The following NXPE1 variants were observed in gnomAD, a reference collection of about 807,000 sequenced individuals.
The protein encoded by NXPE1 is neurexophilin and PC-esterase domain family member 1, also known as NXPE family member 1.
In NXPE1, 31 loss-of-function variants were observed where a neutral mutation model predicts 33.3. The ratio of observed to expected loss-of-function variants is 0.93; its 90% confidence interval spans 0.70 to 1.26. NXPE1 has a LOEUF of 1.26. NXPE1 is among the 50% of genes most tolerant of loss of function. The pLI is 0.00. For missense variants in NXPE1, 661 were observed against 655.6 expected (o/e 1.01, Z -0.09); for synonymous variants, 229 against 231.4 (o/e 0.99, Z 0.09).
intron 5 of NXPE1, among the ~76,000 whole-genome samples, chr11:114,542,425 A>G (rs1194259635): frequency 6.6e-6 from 1 of 152,190 alleles, no homozygotes; most frequent in East Asian, 1.9e-4. Flanking sequence ...GAAAAGTTTG[A>G]TATGAGGATT....
At chr11:114,540,837 C>CTT (rs142403291) in intron 5 of NXPE1, among the ~76,000 whole-genome samples, 2 of 47,470 alleles carry the variant, frequency 4.2e-5, no homozygotes, top group Admixed American at 3.1e-4. Context: ...AGAAAGCCAT[C>CTT]TTTTTTTTTT....
At chr11:114,546,794 G>A (rs1472632012) in intron 5 of NXPE1, among the ~76,000 whole-genome samples, 1 of 152,096 alleles carries the variant, frequency 6.6e-6, no homozygotes, top group African/African-American at 2.4e-5. Flanking sequence ...ATCTTGTAGT[G>A]TCGGAAAGCA....
At chr11:114,545,175 C>T (rs575193223) in intron 5 of NXPE1, among the ~76,000 whole-genome samples, 92 of 152,288 alleles carry the variant, frequency 6.0e-4, no homozygotes, top group African/African-American at 2.2e-3. Context: ...TAAAGCTAAA[C>T]ATAGTCTTAC....
At chr11:114,545,846 G>A (rs556181242) in intron 5 of NXPE1, among the ~76,000 whole-genome samples, 1 of 151,932 alleles carries the variant, frequency 6.6e-6, no homozygotes, top group African/African-American at 2.4e-5. Flanking sequence ...ACACCACCAC[G>A]CCCAGCTAAT....
intron 5 of NXPE1, among the ~76,000 whole-genome samples, chr11:114,538,610 G>A (rs895323976): frequency 1.6e-4 from 24 of 152,186 alleles, no homozygotes; most frequent in African/African-American, 5.8e-4. Context: ...CCATTAAAAA[G>A]TGGGCGAAGG....
chr11:114,551,282 T>G lies in NXPE1; in HGVS notation c.-10-71A>C, dbSNP rs985634403. 2.3e-6 allele frequency: 3 copies of G among 1,321,522 alleles called. No individual in the cohort carries two copies. In the African/African-American group the frequency reaches 4.5e-5, roughly 20 times the overall value. The allele number at this position is 1,321,522 out of a possible 1,614,324, so 81.9% of individuals were successfully genotyped here. ...CTGTACTCACTCATTATTTTATTTA[T>G]AACTTGTAATTTGCCTCCAACATTT... On this transcript the variant is annotated intron_variant, in intron 4 of 8. Transcript: ENST00000534921.
chr11:114,555,486 A>G lies in NXPE1; in HGVS notation c.-210-2606T>C, dbSNP rs535010067. Among the ~76,000 whole-genome samples, 698 of 152,320 alleles carry G rather than the reference A, an allele frequency of 4.6e-3. 9 individuals carry two copies. The highest frequency in any genetic ancestry group is 0.016 in the African/African-American group (645 of 41,572). On this transcript the variant is annotated intron_variant, in intron 1 of 8. Transcript: ENST00000534921. ...GTGATCTGCCTGCCTTGGCCTCCCA[A>G]AGTGCTGGGATTACAGGCGTGAGCC...
intron 5 of NXPE1, among the ~76,000 whole-genome samples, chr11:114,539,203 T>C (rs1267197912): frequency 6.7e-6 from 1 of 149,976 alleles, no homozygotes; most frequent in Non-Finnish European, 1.5e-5. Context: ...AAATACCGCA[T>C]GTTCTCACTC....
exon 6 of NXPE1, chr11:114,530,177 G>A: frequency 6.3e-7 from 1 of 1,599,850 alleles, no homozygotes; most frequent in Non-Finnish European, 8.5e-7. Flanking sequence ...ATACTCACCT[G>A]TGGAAAAGGC....
At chr11:114,531,479 A>G (rs1947581835) in intron 5 of NXPE1, among the ~76,000 whole-genome samples, 1 of 151,956 alleles carries the variant, frequency 6.6e-6, no homozygotes, top group African/African-American at 2.4e-5. Context: ...TCTCCATTTA[A>G]TTTCCTCTTC....
chr11:114,551,166 C>A, exon 5 of NXPE1: 1 of 1,535,234 alleles, frequency 6.5e-7, no homozygotes, highest in Non-Finnish European at 8.7e-7. Flanking sequence ...AGATCAAGAT[C>A]AGCAGCGTTT....
intron 7 of NXPE1, 123 bp downstream of exon 7, chr11:114,527,717 C>T: frequency 3.4e-6 from 2 of 583,140 alleles, no homozygotes; most frequent in Admixed American, 3.4e-5. Flanking sequence ...CTTTAAAGTC[C>T]AGCATGATTG....
chr11:114,535,082 C>G (rs895874328), intron 5 of NXPE1, among the ~76,000 whole-genome samples: 1 of 152,234 alleles, frequency 6.6e-6, no homozygotes, highest in Non-Finnish European at 1.5e-5. Context: ...CAGCTGATCT[C>G]TTGCCAGAAA....
chr11:114,522,584 AC>A, intron 8 of NXPE1, 81 bp from the exon 9 acceptor site: 1 of 1,199,654 alleles, frequency 8.3e-7, no homozygotes, highest in Non-Finnish European at 1.1e-6. Flanking sequence ...CATTTAAAAT[AC>A]CCACCCTACC....
chr11:114,530,945 A>C, intron 5 of NXPE1, 37 bp from the exon 6 acceptor site: 2 of 1,530,468 alleles, frequency 1.3e-6, no homozygotes, highest in Non-Finnish European at 1.7e-6. Context: ...TATGAAATTA[A>C]CCTGTCTAAT....
At chr11:114,537,292 G>C (rs1591280224) in intron 5 of NXPE1, among the ~76,000 whole-genome samples, 2 of 152,220 alleles carry the variant, frequency 1.3e-5, no homozygotes, top group East Asian at 3.9e-4. Flanking sequence ...AAAATAATAA[G>C]AGCTATCTAT....
intron 5 of NXPE1, among the ~76,000 whole-genome samples, chr11:114,550,185 A>G (rs1948425333): frequency 6.6e-6 from 1 of 152,146 alleles, no homozygotes; most frequent in Non-Finnish European, 1.5e-5. Context: ...ACAATGTCCT[A>G]AATATCTTCT....
chr11:114,536,458 CA>C (rs1305038414), intron 5 of NXPE1, among the ~76,000 whole-genome samples: 2 of 152,016 alleles, frequency 1.3e-5, no homozygotes, highest in Non-Finnish European at 2.9e-5. Context: ...GAAATAGAGA[CA>C]AAAAACCCTT....
downstream of NXPE1, among the ~76,000 whole-genome samples, chr11:114,519,399 A>T (rs1476242267): frequency 6.6e-6 from 1 of 152,212 alleles, no homozygotes; most frequent in Non-Finnish European, 1.5e-5. Flanking sequence ...AAGAGATGGT[A>T]AATGTTTTAA....
Sources: gnomAD v4.1 joint callset for allele counts (sites outside exome capture counted in the v4.1 genomes callset) on GRCh38, gnomAD v4.1.1 for gene constraint, MANE v1.5 for transcripts, NCBI Gene and HGNC (gene_info 2026-07-23, HGNC 2026-07-21) for gene names.